The following MARCHF1 variants were observed in gnomAD, a reference collection of about 807,000 sequenced individuals.
The protein encoded by MARCHF1 is E3 ubiquitin-protein ligase MARCHF1.
In MARCHF1, 40 loss-of-function variants were observed where a neutral mutation model predicts 54.2. The ratio of observed to expected loss-of-function variants is 0.74; its 90% CI spans 0.57 to 0.96. The LOEUF (loss-of-function observed/expected upper bound fraction) is 0.96. Ranked by LOEUF, MARCHF1 falls within the 40% of genes least tolerant of loss-of-function variation. The pLI, the probability that MARCHF1 is intolerant of heterozygous loss-of-function variation, is 0.00. For synonymous variants in MARCHF1, 236 were observed against 236.3 expected (o/e 1.00, Z 0.01); for missense variants, 586 against 656.5 (o/e 0.89, Z 1.17).
chr4:163,909,163 C>T (rs1228263850), intron 3 of MARCHF1, among the ~76,000 whole-genome samples: 2 of 152,082 alleles, frequency 1.3e-5, no homozygotes, highest in African/African-American at 4.8e-5. Context: ...ACAGCCCATC[C>T]TGGATTAACT....
intron 1 of MARCHF1, among the ~76,000 whole-genome samples, chr4:164,185,435 TG>T (rs1730941768): frequency 6.6e-6 from 1 of 152,064 alleles, no homozygotes; most frequent in Non-Finnish European, 1.5e-5. Context: ...GTCCTGCACA[TG>T]TCAAATAAGT....
chr4:163,784,531 T>G (rs938575340), intron 4 of MARCHF1, among the ~76,000 whole-genome samples: 2 of 152,178 alleles, frequency 1.3e-5, no homozygotes, highest in African/African-American at 4.8e-5. Context: ...AGGACAAGTT[T>G]GTCATGGAGC....
chr4:164,381,705 T>C (rs1414753718), intron 1 of MARCHF1, among the ~76,000 whole-genome samples: 1 of 152,196 alleles, frequency 6.6e-6, no homozygotes, highest in Admixed American at 6.5e-5. Flanking sequence ...TGTAAGCACG[T>C]CAGAAGCTCG....
intron 1 of MARCHF1, chr4:164,189,388 A>G (rs1731063226): frequency 3.0e-6 from 2 of 663,618 alleles, no homozygotes; most frequent in Admixed American, 2.3e-5. Context: ...GTTCTGGTCT[A>G]CTATGAGGCC....
At chr4:163,996,690 G>A (rs1207155996) in intron 2 of MARCHF1, among the ~76,000 whole-genome samples, 1 of 151,912 alleles carries the variant, frequency 6.6e-6, no homozygotes, top group Non-Finnish European at 1.5e-5. Flanking sequence ...GGTCTTATTA[G>A]GTCTACATAT....
At chr4:163,624,633 G>T (rs984244847) in intron 5 of MARCHF1, among the ~76,000 whole-genome samples, 1 of 152,176 alleles carries the variant, frequency 6.6e-6, no homozygotes, top group Non-Finnish European at 1.5e-5. Context: ...TGCACATTTG[G>T]AATATAAATT....
At chr4:163,932,917 G>T (rs1751711037) in intron 3 of MARCHF1, 1 of 641,938 alleles carries the variant, frequency 1.6e-6, no homozygotes, top group Non-Finnish European at 3.0e-6. Flanking sequence ...GAAGCTGCAT[G>T]TGGTAATGAT....
At chr4:163,542,805 A>G (rs1432690456) in intron 9 of MARCHF1, among the ~76,000 whole-genome samples, 2 of 152,194 alleles carry the variant, frequency 1.3e-5, no homozygotes, top group Non-Finnish European at 2.9e-5. Context: ...CCAGGACCAT[A>G]CTTTGAGAAT....
chr4:163,872,298 T>TAGGAC (rs1344285884), intron 3 of MARCHF1, among the ~76,000 whole-genome samples: 3 of 152,198 alleles, frequency 2.0e-5, no homozygotes, highest in Non-Finnish European at 4.4e-5. Context: ...AACACTTGAA[T>TAGGAC]AGGACGGAAT....
intron 9 of MARCHF1, among the ~76,000 whole-genome samples, chr4:163,541,181 C>G (rs1246155885): frequency 1.3e-5 from 2 of 152,214 alleles, no homozygotes; most frequent in African/African-American, 4.8e-5. Flanking sequence ...CTACTAACAC[C>G]AAGTATTTTC....
intron 9 of MARCHF1, among the ~76,000 whole-genome samples, chr4:163,538,923 A>G (rs1579042232): frequency 6.6e-6 from 1 of 152,208 alleles, no homozygotes; most frequent in East Asian, 1.9e-4. Context: ...TGCTTTGGCC[A>G]ATAGGACAAT....
At chr4:163,607,712 C>T (rs1031380898) in intron 7 of MARCHF1, among the ~76,000 whole-genome samples, 2 of 152,114 alleles carry the variant, frequency 1.3e-5, no homozygotes, top group Non-Finnish European at 2.9e-5. Context: ...TCTCCTTTCT[C>T]TTCCTATCTA....
At chr4:163,641,508 G>A (rs1024276820) in intron 5 of MARCHF1, among the ~76,000 whole-genome samples, 25 of 152,208 alleles carry the variant, frequency 1.6e-4, no homozygotes, top group South Asian at 1.2e-3. Flanking sequence ...CATATAAGAC[G>A]AGAAGTAGGA....
chr4:164,002,092 A>G (rs1753196569), intron 2 of MARCHF1, among the ~76,000 whole-genome samples: 4 of 151,824 alleles, frequency 2.6e-5, no homozygotes, highest in Admixed American at 2.0e-4. Flanking sequence ...TTAAAACTCA[A>G]GTAAACTGGC....
intron 1 of MARCHF1, among the ~76,000 whole-genome samples, chr4:164,287,418 G>A (rs778006016): frequency 7.2e-5 from 11 of 152,122 alleles, no homozygotes; most frequent in East Asian, 1.9e-4. Context: ...TTGCCGTGTC[G>A]TAAGACATCG....
chr4:164,244,074 C>A (rs910944856), intron 1 of MARCHF1, among the ~76,000 whole-genome samples: 8 of 152,002 alleles, frequency 5.3e-5, no homozygotes, highest in African/African-American at 1.7e-4. Flanking sequence ...CAAGGATATC[C>A]AGGAATTGAA....
intron 1 of MARCHF1, among the ~76,000 whole-genome samples, chr4:164,297,135 T>C (rs1435690654): frequency 1.3e-5 from 2 of 152,196 alleles, no homozygotes; most frequent in Non-Finnish European, 2.9e-5. Flanking sequence ...ATAGAAAATA[T>C]GTAAAAATGG....
intron 4 of MARCHF1, among the ~76,000 whole-genome samples, chr4:163,718,165 A>G (rs1745324891): frequency 6.6e-6 from 1 of 152,246 alleles, no homozygotes. Context: ...AGATGGATTA[A>G]AGACTTAAAT....
At chr4:163,720,388 T>A (rs1745407424) in intron 4 of MARCHF1, among the ~76,000 whole-genome samples, 1 of 152,226 alleles carries the variant, frequency 6.6e-6, no homozygotes, top group Non-Finnish European at 1.5e-5. Context: ...TTGGTCTATA[T>A]CTCTGTTTTA....
Sources: gnomAD v4.1 joint callset for allele counts (sites outside exome capture counted in the v4.1 genomes callset) on GRCh38, gnomAD v4.1.1 for gene constraint, MANE v1.5 for transcripts, NCBI Gene and HGNC (gene_info 2026-07-23, HGNC 2026-07-21) for gene names.